URI1: variants seen among roughly 807,000 people sequenced by gnomAD.
URI1 encodes the protein unconventional prefoldin RPB5 interactor 1.
A neutral mutation model predicts 60.2 loss-of-function variants in URI1; 39 were observed. The ratio of observed to expected loss-of-function variants is 0.65; its 90% CI spans 0.50 to 0.85. URI1 has a LOEUF of 0.85. Among genes scored for constraint, URI1 ranks in the 40% least tolerant of loss-of-function variants. The pLI is 0.00. For missense variants in URI1, 691 were observed against 665.9 expected (o/e 1.04, Z -0.42); for synonymous variants, 251 against 236.8 (o/e 1.06, Z -0.55).
chr19:30,009,934 AAAAGCCTTTTGTTCCCTCCATACTTACT>A (rs1441339858), intron 8 of URI1, among the ~76,000 whole-genome samples: 3 of 152,166 alleles, frequency 2.0e-5, no homozygotes, highest in African/African-American at 7.2e-5. Context: ...CTCTAGTATG[AAAAGCCTTTTGTTCCCTCCATACTTACT>A]GTAGAATCCC....
At chr19:29,984,590 A>G (rs1313623667) in intron 2 of URI1, among the ~76,000 whole-genome samples, 1 of 152,186 alleles carries the variant, frequency 6.6e-6, no homozygotes, top group Non-Finnish European at 1.5e-5. Context: ...CTGCTTCTAA[A>G]TGCCAGAGTC....
chr19:29,973,375 T>A (rs562348147), intron 2 of URI1, among the ~76,000 whole-genome samples: 1 of 152,294 alleles, frequency 6.6e-6, no homozygotes, highest in East Asian at 1.9e-4. Context: ...ACACTACTTT[T>A]AAAAGCATGT....
intron 4 of URI1, among the ~76,000 whole-genome samples, chr19:29,998,164 A>C (rs1007883257): frequency 2.6e-5 from 4 of 152,084 alleles, no homozygotes; most frequent in Non-Finnish European, 4.4e-5. Context: ...ATGATTTTTA[A>C]TGTTATTGAG....
chr19:29,964,442 TTTTG>T (rs747447185), intron 1 of URI1, among the ~76,000 whole-genome samples: 10 of 150,728 alleles, frequency 6.6e-5, no homozygotes, highest in Non-Finnish European at 1.5e-4. Flanking sequence ...TGGTGGTTTC[TTTTG>T]TTTTTGTTTT....
chr19:29,956,678 C>T lies in URI1; in HGVS notation c.117+14014C>T, dbSNP rs16989108. 4,712 of 1,543,786 alleles carry T rather than the reference C, an allele frequency of 3.1e-3. 127 individuals carry two copies. In the African/African-American group the frequency reaches 0.057, roughly 19 times the overall value. ...TCAACAAGAGACCCATTCTGGATAA[C>T]GACGTTGATGGGGGAAGTGAGCATA... On this transcript the variant is annotated intron_variant, in intron 1 of 10. Coordinates refer to ENST00000392271, the MANE Select transcript of URI1 (RefSeq NM_003796.3).
chr19:29,971,430 A>ACGT (rs1221233269), intron 2 of URI1, among the ~76,000 whole-genome samples: 3 of 151,906 alleles, frequency 2.0e-5, no homozygotes, highest in Non-Finnish European at 4.4e-5. Context: ...TGATTTCCTG[A>ACGT]CGTTGTGTTA....
intron 4 of URI1, among the ~76,000 whole-genome samples, chr19:29,998,585 T>A (rs1407929967): frequency 4.6e-5 from 7 of 152,222 alleles, no homozygotes; most frequent in Non-Finnish European, 7.3e-5. Flanking sequence ...GTGACTTTTT[T>A]AATTTAAAGT....
chr19:29,957,775 A>G (rs1032813601), intron 1 of URI1, among the ~76,000 whole-genome samples: 3 of 152,074 alleles, frequency 2.0e-5, no homozygotes, highest in South Asian at 2.1e-4. Flanking sequence ...TGGTATATCA[A>G]TTTATTTACT....
chr19:29,932,103 G>A (rs2054926106), intron 1 of URI1, among the ~76,000 whole-genome samples: 1 of 151,882 alleles, frequency 6.6e-6, no homozygotes, highest in Non-Finnish European at 1.5e-5. Context: ...AAATAGTAGT[G>A]GTAAAAGTGG....
In URI1 at chr19:29,942,599, C is replaced by G. The variant is rs761530942; in HGVS notation, c.52C>G (p.Pro18Ala). The G allele has an allele frequency of 4.1e-6, 6 of 1,454,618 alleles. No individual in the cohort carries two copies. Among genetic ancestry groups the G allele is most frequent in the Non-Finnish European group, 5.4e-6 (6 of 1,107,900 alleles). The allele number at this position is 1,454,618 out of a possible 1,614,324, so 90.1% of individuals were successfully genotyped here. The change falls in exon 1 of 11, where the codon CCG (proline) becomes GCG (alanine). Residue 18 changes from proline to alanine, a missense_variant. Coordinates refer to ENST00000392271, the MANE Select transcript of URI1 (RefSeq NM_003796.3). ...TPPDPSPPSA[P>A]APALVPLRAP... Reference sequence around the variant, plus strand: ...CCCCGACCCCTCGCCCCCTTCGGCCCCGGCCCCTGCCCTGGTTCCGTTGCG... The same window carrying G: ...CCCCGACCCCTCGCCCCCTTCGGCCGCGGCCCCTGCCCTGGTTCCGTTGCG...
intron 4 of URI1, among the ~76,000 whole-genome samples, chr19:29,994,623 ATATTT>A (rs1305567893): frequency 8.5e-5 from 13 of 152,078 alleles, no homozygotes; most frequent in Admixed American, 2.0e-4. Context: ...AGGATGAACA[ATATTT>A]TATTTTGTGA....
At chr19:29,924,170 T>C (rs2054845827) in intron 1 of URI1, among the ~76,000 whole-genome samples, 2 of 152,148 alleles carry the variant, frequency 1.3e-5, no homozygotes, top group Non-Finnish European at 2.9e-5. Flanking sequence ...GCAGATGTTT[T>C]TTACTCGGTC....
chr19:29,954,929 T>A (rs335054), intron 1 of URI1, among the ~76,000 whole-genome samples: 4,086 of 152,202 alleles, frequency 0.027, 188 homozygotes, highest in African/African-American at 0.093. Context: ...AAAAGGCAGC[T>A]TATTTTGCCT....
chr19:30,006,197 A>G (rs932293215), intron 6 of URI1, among the ~76,000 whole-genome samples: 1 of 152,074 alleles, frequency 6.6e-6, no homozygotes, highest in Non-Finnish European at 1.5e-5. Context: ...TCCACCCAGT[A>G]GATTTCTTTT....
chr19:30,004,203 TAC>T (rs952245794), intron 4 of URI1: 3 of 152,208 alleles, frequency 2.0e-5, no homozygotes, highest in Admixed American at 2.0e-4. Context: ...ATGAACTGTT[TAC>T]ACCGTAATTT....
At chr19:29,933,519 C>G (rs748596038) in intron 1 of URI1, among the ~76,000 whole-genome samples, 3 of 152,004 alleles carry the variant, frequency 2.0e-5, no homozygotes, top group Non-Finnish European at 4.4e-5. Context: ...TTTTGTTGAT[C>G]TTTAAAAACA....
At chr19:29,940,850 AC>A (rs774089707), upstream of URI1, among the ~76,000 whole-genome samples, 96 of 152,150 alleles carry the variant, frequency 6.3e-4, no homozygotes, top group Non-Finnish European at 9.4e-4. Context: ...GATCTCCATT[AC>A]AAGGGACAAG....
intron 1 of URI1, among the ~76,000 whole-genome samples, chr19:29,959,252 A>C (rs1368357282): frequency 6.6e-6 from 1 of 152,040 alleles, no homozygotes; most frequent in Non-Finnish European, 1.5e-5. Context: ...AGTCTCCCCG[A>C]GTAGCTGGGG....
chr19:29,969,796 C>G (rs1261468694), intron 1 of URI1, among the ~76,000 whole-genome samples: 1 of 152,000 alleles, frequency 6.6e-6, no homozygotes, highest in Non-Finnish European at 1.5e-5. Flanking sequence ...TTCTATTTGT[C>G]TATTTTGTAA....
Sources: allele counts gnomAD v4.1 joint callset (sites outside exome capture counted in the v4.1 genomes callset), GRCh38; gene constraint gnomAD v4.1.1; transcripts MANE v1.5; gene names NCBI Gene and HGNC (gene_info 2026-07-23, HGNC 2026-07-21).